Variants in ELMOD2 observed in about 807,000 individuals in gnomAD.
ELMOD2 encodes ELMO domain containing 2.
A neutral mutation model predicts 41.0 loss-of-function variants in ELMOD2; 28 were observed. The ratio of observed to expected loss-of-function variants is 0.68; its 90% CI spans 0.51 to 0.94. ELMOD2 has a LOEUF of 0.94. Ranked by LOEUF, ELMOD2 falls within the 40% of genes least tolerant of loss-of-function variation. The pLI, the probability that ELMOD2 is intolerant of heterozygous loss-of-function variation, is 0.00. For missense variants in ELMOD2, 333 were observed against 343.1 expected (o/e 0.97, Z 0.23); for synonymous variants, 106 against 107.2 (o/e 0.99, Z 0.07).
intron 1 of ELMOD2, chr4:140,524,590 T>C: frequency 1.0e-6 from 1 of 985,470 alleles, no homozygotes; most frequent in Non-Finnish European, 1.2e-6. Flanking sequence ...CCAGCTGTGC[T>C]ATGCGCTCTT....
chr4:140,548,446 A>G (rs2110885858), intron 8 of ELMOD2, among the ~76,000 whole-genome samples: 1 of 152,288 alleles, frequency 6.6e-6, no homozygotes, highest in Middle Eastern at 3.4e-3. Flanking sequence ...GAATAATCCA[A>G]AAATCTTTCT....
chr4:140,552,630 T>G lies in ELMOD2; in HGVS notation c.*2255T>G, dbSNP rs1735497191. ...TCCCTTTTGACATATGTAGTTGGAATTTTACATAGTCTTAAAATCCATATT... is the reference window on the plus strand; with the variant it reads ...TCCCTTTTGACATATGTAGTTGGAAGTTTACATAGTCTTAAAATCCATATT... On this transcript the variant is annotated 3_prime_UTR_variant, in exon 9 of 9. Coordinates refer to ENST00000323570, the MANE Select transcript of ELMOD2 (RefSeq NM_153702.4). 6.6e-6 allele frequency: 1 copy of G among 152,094 alleles called. No homozygotes were observed. 9.4% of individuals were successfully genotyped at this position (152,094 alleles called of 1,614,324 possible).
At chr4:140,529,206 G>C (rs1734663215) in intron 3 of ELMOD2, among the ~76,000 whole-genome samples, 1 of 152,176 alleles carries the variant, frequency 6.6e-6, no homozygotes, top group Non-Finnish European at 1.5e-5. Flanking sequence ...TGAGGGCAGT[G>C]TCTTGAGGCA....
At position 140,543,557 on chromosome 4, in the gene ELMOD2, C is replaced by G; in HGVS notation, c.707C>G (p.Pro236Arg). Residue 236 changes from proline (P) to arginine (R), a missense_variant, in exon 8 of 9, where the codon CCA (proline) becomes CGA (arginine). Physicochemically the swap from Pro to Arg is moderately radical, Grantham distance 103 (BLOSUM62 -2). Coordinates refer to ENST00000323570, the MANE Select transcript of ELMOD2 (RefSeq NM_153702.4). ...CTCTATAACCTTGTTCCTGGTATAC[C>G]AACAATGGAACACTTTCATCAGTTT... ...FHLYNLVPGI[P>R]TMEHFHQFYC... is the part of the protein sequence containing the mutation. The G allele has an allele frequency of 6.2e-7, 1 of 1,600,582 alleles. No homozygotes were observed. The highest frequency in any genetic ancestry group is 8.5e-7 in the Non-Finnish European group (1 of 1,176,106).
chr4:140,529,463 C>G (rs537481315), intron 3 of ELMOD2, among the ~76,000 whole-genome samples: 1 of 152,250 alleles, frequency 6.6e-6, no homozygotes, highest in East Asian at 1.9e-4. Context: ...AGCTTCCAAC[C>G]AATTTTTTCA....
intron 5 of ELMOD2, 151 bp downstream of exon 5, chr4:140,537,692 C>A: frequency 1.3e-6 from 1 of 797,408 alleles, no homozygotes; most frequent in Non-Finnish European, 1.8e-6. Flanking sequence ...CTGGATTTCA[C>A]TGATATGGAA....
At chr4:140,549,568 A>T (rs775253034) in intron 8 of ELMOD2, among the ~76,000 whole-genome samples, 2 of 151,874 alleles carry the variant, frequency 1.3e-5, no homozygotes, top group Non-Finnish European at 2.9e-5. Flanking sequence ...ATCGAGTAGG[A>T]AATAACTTTC....
chr4:140,527,861 T>C, intron 3 of ELMOD2: 1 of 179,674 alleles, frequency 5.6e-6, no homozygotes, highest in Non-Finnish European at 1.1e-5. Context: ...GTTGTGTACC[T>C]TTTGAGCTAA....
chr4:140,533,217 A>G (rs952960197), intron 3 of ELMOD2, among the ~76,000 whole-genome samples: 1 of 152,188 alleles, frequency 6.6e-6, no homozygotes, highest in Non-Finnish European at 1.5e-5. Context: ...GATTCTGACA[A>G]GCTCATTCTA....
In ELMOD2 at chr4:140,525,627, A is replaced by G; in HGVS notation, c.142+57A>G. 2 of 1,538,192 alleles carry G rather than the reference A, an allele frequency of 1.3e-6. 1 individual carries two copies. The highest frequency in any genetic ancestry group is 1.7e-6 in the Non-Finnish European group (2 of 1,143,862). ...AAAAGTTTAACGGAGTGTTTTTCTC[A>G]GGACTCACAGTGACAGATGTATTTC... On this transcript the variant is annotated intron_variant, in intron 2 of 8. Transcript: ENST00000323570.
At chr4:140,541,345 A>G (rs77253241) in intron 6 of ELMOD2, among the ~76,000 whole-genome samples, 89 of 152,256 alleles carry the variant, frequency 5.8e-4, no homozygotes, top group African/African-American at 2.0e-3. Context: ...AATTGTTTAC[A>G]GATGTTTATT....
intron 5 of ELMOD2, among the ~76,000 whole-genome samples, chr4:140,539,729 A>C (rs1464376463): frequency 6.6e-6 from 1 of 152,200 alleles, no homozygotes; most frequent in Admixed American, 6.5e-5. Flanking sequence ...TTTGTAAAAC[A>C]AGTTGGAATG....
Position 140,527,455 on chromosome 4 carries a change from T to G in ELMOD2, c.143-11T>G, listed in dbSNP as rs752218898. 1.1e-5 allele frequency: 18 copies of G among 1,570,894 alleles called. No homozygotes were observed. The highest frequency in any genetic ancestry group is 1.5e-5 in the Non-Finnish European group (17 of 1,156,922). ...AGTGATAACATCTTTTTTTTTTTTT[T>G]GTCATTTCAGAAAATTCCTTGACAT... On this transcript the variant is annotated splice_polypyrimidine_tract_variant and intron_variant, in intron 2 of 8. Coordinates refer to ENST00000323570, the MANE Select transcript of ELMOD2 (RefSeq NM_153702.4).
chr4:140,537,700 G>A (rs955439700), intron 5 of ELMOD2, among the ~76,000 whole-genome samples, 159 bp downstream of exon 5: 1 of 151,370 alleles, frequency 6.6e-6, no homozygotes. Context: ...CACTGATATG[G>A]AAAGATTTTT....
chr4:140,539,355 G>A (rs1485285503), intron 5 of ELMOD2, among the ~76,000 whole-genome samples: 1 of 149,940 alleles, frequency 6.7e-6, no homozygotes, highest in East Asian at 2.0e-4. Context: ...TTGATAGTTG[G>A]TTTGTTTTTT....
chr4:140,525,526 G>C lies in ELMOD2; in HGVS notation c.98G>C (p.Arg33Pro). The C allele has an allele frequency of 6.2e-7, 1 of 1,613,788 alleles. No homozygotes were observed. Among genetic ancestry groups the C allele is most frequent in the East Asian group, 2.2e-5 (1 of 44,822 alleles). The change falls in exon 2 of 9, where the codon CGA becomes CCA. Residue 33 changes from arginine to proline, a missense_variant. Physicochemically the swap from Arg to Pro is moderately radical, Grantham distance 103. Transcript: ENST00000323570. ...ATGACTGGGAAGTGTGAATTGCAGC[G>C]AATATTTGATACCTATGTAGGTGCA... is the stretch of plus-strand genomic sequence containing the variant. ...RQMTGKCELQRIFDTYVGAQR... is the reference protein window; with the variant it reads ...RQMTGKCELQPIFDTYVGAQR...
chr4:140,545,024 T>C (rs1735227381), intron 8 of ELMOD2, among the ~76,000 whole-genome samples: 1 of 152,170 alleles, frequency 6.6e-6, no homozygotes, highest in Non-Finnish European at 1.5e-5. Context: ...TCTTTGTTCA[T>C]GAAACTTTTT....
intron 8 of ELMOD2, among the ~76,000 whole-genome samples, chr4:140,547,363 G>A (rs575767903): frequency 6.6e-5 from 10 of 152,154 alleles, no homozygotes; most frequent in East Asian, 1.9e-4. Flanking sequence ...CATCTTGTAC[G>A]TCCAAACTGT....
chr4:140,547,407 C>T (rs1241320025), intron 8 of ELMOD2, among the ~76,000 whole-genome samples: 1 of 152,064 alleles, frequency 6.6e-6, no homozygotes, highest in Non-Finnish European at 1.5e-5. Context: ...GGGAAGTTAC[C>T]ACTAGTCCAG....
Sources: allele counts gnomAD v4.1 joint callset (sites outside exome capture counted in the v4.1 genomes callset), GRCh38; gene constraint gnomAD v4.1.1; transcripts MANE v1.5; gene names NCBI Gene and HGNC (gene_info 2026-07-23, HGNC 2026-07-21).